The following FARS2 variants were observed in gnomAD, a reference collection of about 807,000 sequenced individuals.
FARS2 encodes the protein phenylalanine--tRNA ligase, mitochondrial.
Under a neutral mutation model 46.4 loss-of-function variants are expected in FARS2, and 40 were observed. The observed-to-expected ratio is 0.86, with a 90% CI of 0.67 to 1.12. The LOEUF (loss-of-function observed/expected upper bound fraction) is 1.12, where lower values mean the gene tolerates loss of function less well. Among genes scored for constraint, FARS2 ranks in the 50% most tolerant of loss-of-function variants. The pLI is 0.00. For missense variants in FARS2, 513 were observed against 567.9 expected (o/e 0.90, Z 0.98); for synonymous variants, 234 against 214.9 (o/e 1.09, Z -0.78).
At chr6:5,596,071 G>A (rs541972684) in intron 5 of FARS2, among the ~76,000 whole-genome samples, 1 of 152,276 alleles carries the variant, frequency 6.6e-6, no homozygotes, top group East Asian at 1.9e-4. Flanking sequence ...AATTCAATGA[G>A]GTAAGGATAT....
At chr6:5,605,238 C>T (rs926364798) in intron 5 of FARS2, among the ~76,000 whole-genome samples, 2 of 152,178 alleles carry the variant, frequency 1.3e-5, no homozygotes, top group African/African-American at 2.4e-5. Context: ...GCTGCAGGAT[C>T]GCTAGCCGGG....
At chr6:5,394,467 T>C (rs1760771570) in intron 2 of FARS2, among the ~76,000 whole-genome samples, 1 of 152,204 alleles carries the variant, frequency 6.6e-6, no homozygotes, top group African/African-American at 2.4e-5. Flanking sequence ...CACTCCATGG[T>C]GTTCGCACAA....
chr6:5,352,321 T>TA lies in FARS2; in HGVS notation c.-21-16217dup, dbSNP rs549718665. Among the ~76,000 whole-genome samples, 221 of 141,022 alleles carry TA rather than the reference T, an allele frequency of 1.6e-3. 1 individual carries two copies. The highest frequency in any genetic ancestry group is 4.0e-3 in the African/African-American group (154 of 38,650). The allele number at this position is 141,022 out of a possible 152,430, so 92.5% of individuals were successfully genotyped here. A position where few individuals can be genotyped will look rare whatever the true frequency, so the allele number is the denominator to read the frequency against. On this transcript the variant is annotated intron_variant, in intron 1 of 6. Coordinates refer to ENST00000274680, the MANE Select transcript of FARS2 (RefSeq NM_006567.5). The stretch of plus-strand genomic sequence containing the variant: ...CACTTTGATTTCTGGGAGGGAGCCT[T>TA]AAAAAAAAAAAAGCTTCCCAACCAG...
intron 1 of FARS2, among the ~76,000 whole-genome samples, chr6:5,332,301 G>A (rs73367017): frequency 0.061 from 9,286 of 152,266 alleles, 347 homozygotes; most frequent in Middle Eastern, 0.13. Flanking sequence ...CATCTTCAGC[G>A]GAATGCTAAG....
chr6:5,446,718 A>T (rs1195289603), intron 4 of FARS2, among the ~76,000 whole-genome samples: 3 of 152,206 alleles, frequency 2.0e-5, no homozygotes, highest in Non-Finnish European at 4.4e-5. Context: ...GGAGGTTTTT[A>T]AAGTACATTT....
chr6:5,330,256 A>G (rs1383378645), intron 1 of FARS2, among the ~76,000 whole-genome samples: 1 of 152,202 alleles, frequency 6.6e-6, no homozygotes, highest in Admixed American at 6.5e-5. Context: ...AGATATTATT[A>G]TATCAGAGTG....
At position 5,763,769 on chromosome 6, in the gene FARS2, T is replaced by G. The variant is rs201740108; in HGVS notation, c.1218-7522T>G. Among the ~76,000 whole-genome samples the G allele has an allele frequency of 1.7e-3, 183 of 106,726 alleles. 2 individuals carry two copies. The highest frequency in any genetic ancestry group is 9.9e-3 in the Admixed American group (86 of 8,712). The allele number at this position is 106,726 out of a possible 152,430, so 70.0% of individuals were successfully genotyped here. A position where few individuals can be genotyped will look rare whatever the true frequency, so the allele number is the denominator to read the frequency against. On this transcript the variant is annotated intron_variant, in intron 6 of 6. Transcript: ENST00000274680. ...AATTTCATCTTCTCTTCCCTTTTGG[T>G]TTTTTTTTTTTTTTTTTAACATAGA... is the stretch of plus-strand genomic sequence containing the variant.
At chr6:5,716,335 C>T (rs1279003867) in intron 6 of FARS2, among the ~76,000 whole-genome samples, 1 of 152,176 alleles carries the variant, frequency 6.6e-6, no homozygotes, top group Non-Finnish European at 1.5e-5. Flanking sequence ...CCCACACTTA[C>T]ATTTGGTTAA....
chr6:5,506,811 T>A (rs1768127234), intron 4 of FARS2, among the ~76,000 whole-genome samples: 1 of 152,228 alleles, frequency 6.6e-6, no homozygotes, highest in East Asian at 1.9e-4. Context: ...CTCTGAAAGT[T>A]CGTGAACAAT....
chr6:5,724,165 A>G (rs1760105484), intron 6 of FARS2, among the ~76,000 whole-genome samples: 1 of 152,170 alleles, frequency 6.6e-6, no homozygotes, highest in Non-Finnish European at 1.5e-5. Context: ...CAGCTTCCAC[A>G]GCTTAGACGC....
At chr6:5,380,094 T>G (rs1466800714) in intron 2 of FARS2, among the ~76,000 whole-genome samples, 1 of 152,226 alleles carries the variant, frequency 6.6e-6, no homozygotes, top group African/African-American at 2.4e-5. Flanking sequence ...AATTCAAATT[T>G]AATATTTCTG....
At chr6:5,661,455 G>T (rs1381790022) in intron 6 of FARS2, among the ~76,000 whole-genome samples, 1 of 152,186 alleles carries the variant, frequency 6.6e-6, no homozygotes, top group African/African-American at 2.4e-5. Flanking sequence ...AAGGGGCTTT[G>T]CATGAATCTT....
At chr6:5,625,847 C>T (rs73360257) in intron 6 of FARS2, among the ~76,000 whole-genome samples, 1,791 of 152,252 alleles carry the variant, frequency 0.012, 43 homozygotes, top group African/African-American at 0.042. Context: ...ATGGTCTCTC[C>T]GGAGAGGTGG....
intron 6 of FARS2, among the ~76,000 whole-genome samples, chr6:5,741,910 C>T (rs1761369452): frequency 6.6e-6 from 1 of 152,232 alleles, no homozygotes; most frequent in African/African-American, 2.4e-5. Flanking sequence ...CCTCAGCCTC[C>T]CAAAGTGCTG....
At chr6:5,401,884 C>T (rs766911939) in intron 2 of FARS2, among the ~76,000 whole-genome samples, 10 of 152,104 alleles carry the variant, frequency 6.6e-5, no homozygotes, top group Non-Finnish European at 1.3e-4. Flanking sequence ...GAGGCCTTGA[C>T]GATTTTCCCC....
At chr6:5,399,135 TA>T (rs1403685823) in intron 2 of FARS2, among the ~76,000 whole-genome samples, 175 of 74,958 alleles carry the variant, frequency 2.3e-3, no homozygotes, top group African/African-American at 0.011. Context: ...ATTTTATTAT[TA>T]TTATTATTAT....
chr6:5,734,676 G>C (rs188672484), intron 6 of FARS2, among the ~76,000 whole-genome samples: 2 of 152,112 alleles, frequency 1.3e-5, no homozygotes, highest in Non-Finnish European at 2.9e-5. Flanking sequence ...ATAACCCTTT[G>C]ATATAGGCAT....
the FARS2 span, among the ~76,000 whole-genome samples, chr6:5,251,209 T>C: frequency 1.3e-5 from 2 of 152,172 alleles, no homozygotes; most frequent in Non-Finnish European, 2.9e-5. Flanking sequence ...TTTCAAGAAA[T>C]ATTAGGAAGA....
At chr6:5,291,252 A>C (rs1193634971) in intron 1 of FARS2, 1 of 152,228 alleles carries the variant, frequency 6.6e-6, no homozygotes, top group Non-Finnish European at 1.5e-5. Context: ...ATAAGATCTA[A>C]CCACAAGAAG....
Sources: gnomAD v4.1 joint callset for allele counts (sites outside exome capture counted in the v4.1 genomes callset) on GRCh38, gnomAD v4.1.1 for gene constraint, MANE v1.5 for transcripts, NCBI Gene and HGNC (gene_info 2026-07-23, HGNC 2026-07-21) for gene names.